Variants in ERMARD observed in about 807,000 individuals in gnomAD.
ERMARD encodes ER membrane associated RNA degradation.
A neutral mutation model predicts 83.9 loss-of-function variants in ERMARD; 71 were observed. That is an observed-to-expected ratio of 0.85 (90% CI 0.70 to 1.03). The LOEUF is 1.03. Ranked by LOEUF, ERMARD falls within the 50% of genes least tolerant of loss-of-function variation. The pLI, the probability that ERMARD is intolerant of heterozygous loss-of-function variation, is 0.00. For synonymous variants in ERMARD, 284 were observed against 298.6 expected (o/e 0.95, Z 0.50); for missense variants, 838 against 810.9 (o/e 1.03, Z -0.41).
chr6:169,764,073 A>G (rs1401313399), intron 9 of ERMARD, among the ~76,000 whole-genome samples: 1 of 151,940 alleles, frequency 6.6e-6, no homozygotes, highest in Non-Finnish European at 1.5e-5. Context: ...TGTTTCCCCA[A>G]CACCTCCCGT....
chr6:169,762,385 T>G, intron 8 of ERMARD, 44 bp from the exon 9 acceptor site: 1 of 1,564,904 alleles, frequency 6.4e-7, no homozygotes, highest in Non-Finnish European at 8.8e-7. Flanking sequence ...TAATATTTAT[T>G]TTTGAAATGT....
Position 169,776,020 on chromosome 6 carries a change from A to T in ERMARD, c.1475A>T (p.Glu492Val). ...MTDELYHHMP[E>V]NRCVLKDLDR... ...GATGAGCTGTATCACCATATGCCTGAGAATCGTTGTGTGTTAAAGGACTTG... is the reference window on the plus strand; with the variant it reads ...GATGAGCTGTATCACCATATGCCTGTGAATCGTTGTGTGTTAAAGGACTTG... The change falls in exon 15 of 18, where the codon GAG (glutamate) becomes GTG (valine). Residue 492 changes from glutamate to valine, a missense_variant. Transcript: ENST00000366773. The T allele has an allele frequency of 6.2e-7, 1 of 1,614,204 alleles. No individual in the cohort carries two copies.
intron 16 of ERMARD, among the ~76,000 whole-genome samples, chr6:169,777,438 G>A (rs1473032986): frequency 6.6e-6 from 1 of 152,212 alleles, no homozygotes; most frequent in Non-Finnish European, 1.5e-5. Flanking sequence ...ATGGGAGGCA[G>A]GTTTGCCTGA....
intron 6 of ERMARD, 114 bp from the exon 7 acceptor site, chr6:169,759,724 T>C (rs1791283951): frequency 2.9e-6 from 3 of 1,049,348 alleles, no homozygotes; most frequent in East Asian, 4.8e-5. Context: ...GATCGGACAG[T>C]TTCATGCAAT....
At chr6:169,778,400 T>C (rs1793831990) in intron 16 of ERMARD, among the ~76,000 whole-genome samples, 1 of 152,252 alleles carries the variant, frequency 6.6e-6, no homozygotes, top group Admixed American at 6.5e-5. Context: ...TTAACGTGAT[T>C]AACAGCAGAT....
At chr6:169,752,227 T>C (rs1407482736) in intron 1 of ERMARD, among the ~76,000 whole-genome samples, 1 of 152,230 alleles carries the variant, frequency 6.6e-6, no homozygotes, top group Non-Finnish European at 1.5e-5. Flanking sequence ...TCCAAAATGA[T>C]GATAACGATA....
At position 169,773,346 on chromosome 6, in the gene ERMARD, A is replaced by G. The variant is rs780709381; in HGVS notation, c.1261A>G (p.Ser421Gly). 2.5e-6 allele frequency: 4 copies of G among 1,614,144 alleles called. No homozygotes were observed. Among genetic ancestry groups the G allele is most frequent in the East Asian group, 4.5e-5 (2 of 44,888 alleles). The change falls in exon 13 of 18, where the codon AGT becomes GGT. Residue 421 changes from serine (S) to glycine (G), a missense_variant. Coordinates refer to ENST00000366773, the MANE Select transcript of ERMARD (RefSeq NM_018341.3). The stretch of plus-strand genomic sequence containing the variant: ...AAAATCAGCCGTAGAATTGTTGATT[A>G]GTCTTGCAGAAGGCTATAGTTCTCG... ...KEKSAVELLISLAEGYSSRCH... is the reference protein window; with the variant it reads ...KEKSAVELLIGLAEGYSSRCH...
rs1403077206 is a variant in ERMARD at position 169,781,476 on chromosome 6, A to G, written c.2000A>G (p.His667Arg). The G allele has an allele frequency of 6.2e-7, 1 of 1,605,886 alleles. No homozygotes were observed. Among genetic ancestry groups the G allele is most frequent in the Non-Finnish European group, 8.5e-7 (1 of 1,176,654 alleles). ...TFSEKKQMLI[H>R]LAKKSTSKVL... ...AGTGAGAAGAAACAAATGTTAATAC[A>G]TTTAGCCAAGAAATCCACAAGTAAA... The change falls in exon 18 of 18, where the codon CAT becomes CGT. Residue 667 changes from histidine to arginine, a missense_variant. His to Arg is a conservative substitution (Grantham distance 29, BLOSUM62 0). Transcript: ENST00000366773.
chr6:169,765,255 T>C (rs993886685), intron 9 of ERMARD, among the ~76,000 whole-genome samples: 7 of 152,274 alleles, frequency 4.6e-5, no homozygotes, highest in African/African-American at 1.4e-4. Context: ...GGATATAATC[T>C]ATCAAAGAAT....
At chr6:169,758,799 G>A (rs1293293457) in intron 5 of ERMARD, among the ~76,000 whole-genome samples, 169 bp from the exon 6 acceptor site, 1 of 152,068 alleles carries the variant, frequency 6.6e-6, no homozygotes, top group East Asian at 1.9e-4. Flanking sequence ...TACAAAATGT[G>A]TCTAGCACAT....
chr6:169,774,624 C>T (rs1301966558), intron 13 of ERMARD, among the ~76,000 whole-genome samples: 3 of 152,210 alleles, frequency 2.0e-5, no homozygotes, highest in Non-Finnish European at 2.9e-5. Flanking sequence ...CCTGGGCTTC[C>T]GTTATTCCTG....
intron 5 of ERMARD, among the ~76,000 whole-genome samples, chr6:169,757,674 A>C (rs1040457953): frequency 6.6e-6 from 1 of 152,212 alleles, no homozygotes; most frequent in Non-Finnish European, 1.5e-5. Flanking sequence ...AAGATGGAGA[A>C]ACCCAGAAGA....
rs2128344212 is a variant in ERMARD, at chr6:169,759,004, G to A, written c.544G>A (p.Gly182Ser). The change falls in exon 6 of 18, where the codon GGT becomes AGT. Residue 182 changes from glycine to serine, a missense_variant. Coordinates refer to ENST00000366773, the MANE Select transcript of ERMARD (RefSeq NM_018341.3). ...VLKVFVGSPC[G>S]LNLRNVLWHG... is the part of the protein sequence containing the mutation. Reference sequence around the variant, plus strand: ...AAAAGTCTTCGTTGGCTCTCCGTGTGGTCTCAACCTGCGTAACGTCTTATG... The same window carrying A: ...AAAAGTCTTCGTTGGCTCTCCGTGTAGTCTCAACCTGCGTAACGTCTTATG... 1.2e-6 allele frequency: 2 copies of A among 1,613,986 alleles called. No homozygotes were observed. Among genetic ancestry groups the A allele is most frequent in the East Asian group, 2.2e-5 (1 of 44,882 alleles).
intron 13 of ERMARD, among the ~76,000 whole-genome samples, chr6:169,774,220 T>C (rs912697527): frequency 6.6e-6 from 1 of 152,136 alleles, no homozygotes; most frequent in African/African-American, 2.4e-5. Flanking sequence ...TTGAGAAGTC[T>C]GAGGCCTCCT....
chr6:169,779,369 AT>A, intron 17 of ERMARD, 74 bp downstream of exon 17: 2 of 1,321,166 alleles, frequency 1.5e-6, no homozygotes, highest in Non-Finnish European at 2.2e-6. Flanking sequence ...TAGGAGTGAG[AT>A]TGGGGCAGTG....
Position 169,781,443 on chromosome 6 carries a change from G to C in ERMARD, c.1967G>C (p.Trp656Ser). 1 of 1,612,156 alleles carries C rather than the reference G, an allele frequency of 6.2e-7. No individual in the cohort carries two copies. The highest frequency in any genetic ancestry group is 1.3e-5 in the African/African-American group (1 of 75,004). The part of the protein sequence containing the change: ...NLTHTALLKM[W>S]TFSEKKQMLI... The stretch of plus-strand genomic sequence containing the variant: ...ACACATACAGCTTTGTTGAAAATGT[G>C]GACTTTTAGTGAGAAGAAACAAATG... The change falls in exon 18 of 18, where the codon TGG becomes TCG. Residue 656 changes from tryptophan (W) to serine (S), a missense_variant. Trp to Ser is a radical substitution (Grantham distance 177). Coordinates refer to ENST00000366773, the MANE Select transcript of ERMARD (RefSeq NM_018341.3).
chr6:169,769,659 T>C lies in ERMARD; in HGVS notation c.1179T>C (p.Phe393=). 2.5e-6 allele frequency: 4 copies of C among 1,613,064 alleles called. No homozygotes were observed. The highest frequency in any genetic ancestry group is 3.4e-6 in the Non-Finnish European group (4 of 1,179,560). ...SKETTNQLLA[F]SLVLLLRFVD... ...AAACAACTAATCAGTTGCTTGCATTTTCTCTTGTACTGCTACTCAGATTCG... is the reference window on the plus strand; with the variant it reads ...AAACAACTAATCAGTTGCTTGCATTCTCTCTTGTACTGCTACTCAGATTCG... The change falls in exon 12 of 18, where the codon TTT becomes TTC. Residue 393 remains phenylalanine, a synonymous_variant. Coordinates refer to ENST00000366773, the MANE Select transcript of ERMARD (RefSeq NM_018341.3).
At chr6:169,752,024 G>C (rs985283658) in intron 1 of ERMARD, 1 of 334,112 alleles carries the variant, frequency 3.0e-6, no homozygotes, top group Non-Finnish European at 5.4e-6. Context: ...TAGAAGCGCA[G>C]TTTCCTAGTC....
chr6:169,778,932 G>A lies in ERMARD; in HGVS notation c.1740-250G>A, dbSNP rs113582159. Among the ~76,000 whole-genome samples, 2,645 of 152,324 alleles carry A rather than the reference G, an allele frequency of 0.017. 78 individuals carry two copies. The highest frequency in any genetic ancestry group is 0.06 in the African/African-American group (2,485 of 41,562). ...CTGGCAGCCCTGATGTAGACCGGGC[G>A]CCTCAGATGGTGACTCAGAGCAAGA... On this transcript the variant is annotated intron_variant, in intron 16 of 17. Coordinates refer to ENST00000366773, the MANE Select transcript of ERMARD (RefSeq NM_018341.3).
Sources: gnomAD v4.1 joint callset for allele counts (sites outside exome capture counted in the v4.1 genomes callset) on GRCh38, gnomAD v4.1.1 for gene constraint, MANE v1.5 for transcripts, NCBI Gene and HGNC (gene_info 2026-07-23, HGNC 2026-07-21) for gene names.